ANAPC1: variants seen among roughly 807,000 people sequenced by gnomAD.
ANAPC1 encodes anaphase promoting complex subunit 1, also known as anaphase-promoting complex subunit 1.
In ANAPC1, 36 loss-of-function variants were observed where a neutral mutation model predicts 208.0. The observed-to-expected ratio is 0.17, with a 90% CI of 0.13 to 0.23. The LOEUF (loss-of-function observed/expected upper bound fraction) is 0.23. Among genes scored for constraint, ANAPC1 ranks in the 10% least tolerant of loss-of-function variants. The pLI, the probability that ANAPC1 is intolerant of heterozygous loss-of-function variation, is 1.00. For synonymous variants in ANAPC1, 378 were observed against 695.2 expected (o/e 0.54, Z 7.18); for missense variants, 942 against 2,011.6 (o/e 0.47, Z 10.17).
At chr2:111,836,428 C>A (rs950836085) in intron 18 of ANAPC1, among the ~76,000 whole-genome samples, 1 of 151,040 alleles carries the variant, frequency 6.6e-6, no homozygotes, top group Non-Finnish European at 1.5e-5. Flanking sequence ...ACTGCTTGAG[C>A]CCAGGAGTTT....
Position 111,864,402 on chromosome 2 carries a change from C to CA in ANAPC1, c.831+403dup, listed in dbSNP as rs557496899. ...TAAAACTATTCACAAGTGATTTTTC[C>CA]AAAAAAAAAAAAAAAAAGTGAGGGT... On this transcript the variant is annotated intron_variant, in intron 8 of 47. Transcript: ENST00000341068. Among the ~76,000 whole-genome samples the CA allele has an allele frequency of 2.0e-3, 138 of 67,360 alleles. 2 individuals are homozygous for CA. Among genetic ancestry groups the CA allele is most frequent in the Admixed American group, 3.3e-3 (14 of 4,208 alleles). 44.2% of individuals were successfully genotyped at this position (67,360 alleles called of 152,430 possible). A position where few individuals can be genotyped will look rare whatever the true frequency, so the allele number is the denominator to read the frequency against.
Position 111,782,335 on chromosome 2 carries a change from A to C in ANAPC1, c.5202+34T>G, listed in dbSNP as rs201137907. 5.6e-5 allele frequency: 90 copies of C among 1,612,824 alleles called. No individual in the cohort carries two copies. In the African/African-American group the frequency reaches 9.5e-4, roughly 17 times the overall value. On this transcript the variant is annotated intron_variant, in intron 43 of 47. Transcript: ENST00000341068. ...GCGAGGAAGCCGGCAATTTAGAATT[A>C]TTTCTTTCCGTTTTTACCAATCAAT...
At chr2:111,854,895 G>C (rs1308022724) in intron 13 of ANAPC1, among the ~76,000 whole-genome samples, 3 of 152,128 alleles carry the variant, frequency 2.0e-5, no homozygotes, top group Non-Finnish European at 2.9e-5. Flanking sequence ...CACTGAAATA[G>C]CACTTTTAAT....
At position 111,850,907 on chromosome 2, in the gene ANAPC1, C is replaced by T. The variant is rs1681357858; in HGVS notation, c.1519G>A (p.Gly507Arg). The change falls in exon 14 of 48, where the codon GGA (glycine) becomes AGA (arginine). Residue 507 changes from glycine (G) to arginine (R), a missense_variant. Coordinates refer to ENST00000341068, the MANE Select transcript of ANAPC1 (RefSeq NM_022662.4). ...LVLYTGVVRV[G>R]KVFIPGLPAP... The stretch of plus-strand genomic sequence containing the variant: ...GGCAGTCCAGGAATAAAAACCTTTC[C>T]CACCTTTAAGCAATAAAAACATGTG... 2 of 1,595,396 alleles carry T rather than the reference C, an allele frequency of 1.3e-6. No individual in the cohort carries two copies. Among genetic ancestry groups the T allele is most frequent in the African/African-American group, 1.4e-5 (1 of 73,748 alleles).
intron 21 of ANAPC1, among the ~76,000 whole-genome samples, chr2:111,826,725 A>G (rs549564470): frequency 1.3e-5 from 2 of 151,456 alleles, no homozygotes; most frequent in East Asian, 3.9e-4. Context: ...CAGTGGCACA[A>G]TCTCGGCTCA....
chr2:111,866,713 G>A (rs1342177401), intron 7 of ANAPC1, among the ~76,000 whole-genome samples: 1 of 138,618 alleles, frequency 7.2e-6, no homozygotes, highest in African/African-American at 2.8e-5. Flanking sequence ...AACAAAGCGA[G>A]ACTCCGTCTC....
rs9653413 is a variant in ANAPC1 at position 111,877,046 on chromosome 2, A to G, written c.375+1764T>C. Among the ~76,000 whole-genome samples the G allele has an allele frequency of 5.9e-3, 894 of 151,450 alleles. 12 individuals carry two copies. The highest frequency in any genetic ancestry group is 0.021 in the African/African-American group (860 of 41,332). On this transcript the variant is annotated intron_variant, in intron 3 of 47. Coordinates refer to ENST00000341068, the MANE Select transcript of ANAPC1 (RefSeq NM_022662.4). ...GTACATATGGGATTTTCGGAATGGG[A>G]ATGCTGACTGTTTAAAAATAAATTG... is the stretch of plus-strand genomic sequence containing the variant.
At chr2:111,823,368 C>T (rs1471124650) in intron 24 of ANAPC1, among the ~76,000 whole-genome samples, 2 of 151,976 alleles carry the variant, frequency 1.3e-5, no homozygotes, top group East Asian at 1.9e-4. Flanking sequence ...ACTGGTACAA[C>T]CACTTTGGAA....
chr2:111,771,321 T>C (rs1234497809), intron 47 of ANAPC1, among the ~76,000 whole-genome samples: 1 of 151,694 alleles, frequency 6.6e-6, no homozygotes, highest in Non-Finnish European at 1.5e-5. Flanking sequence ...CCCATGTATA[T>C]GAAGGCTAAA....
chr2:111,869,927 T>C (rs1276264456), intron 6 of ANAPC1, among the ~76,000 whole-genome samples: 1 of 152,224 alleles, frequency 6.6e-6, no homozygotes, highest in African/African-American at 2.4e-5. Context: ...AGCCTCTGCA[T>C]ACTCCTTGCT....
At chr2:111,828,316 C>T (rs901450326) in intron 21 of ANAPC1, among the ~76,000 whole-genome samples, 1 of 151,984 alleles carries the variant, frequency 6.6e-6, no homozygotes, top group African/African-American at 2.4e-5. Flanking sequence ...AAATTGGAAC[C>T]CTTCCTCTTG....
intron 21 of ANAPC1, among the ~76,000 whole-genome samples, chr2:111,830,026 C>T (rs1467678654): frequency 4.6e-5 from 7 of 152,092 alleles, no homozygotes. Flanking sequence ...GCTGAGATCA[C>T]TCCACTGCAC....
At chr2:111,859,261 T>C (rs1681919897) in intron 10 of ANAPC1, among the ~76,000 whole-genome samples, 1 of 152,114 alleles carries the variant, frequency 6.6e-6, no homozygotes, top group African/African-American at 2.4e-5. Flanking sequence ...GGTGGGCAGA[T>C]CACCTGAGGT....
chr2:111,871,645 A>C (rs1682751930), intron 6 of ANAPC1, among the ~76,000 whole-genome samples: 1 of 152,054 alleles, frequency 6.6e-6, no homozygotes, highest in Non-Finnish European at 1.5e-5. Context: ...CCAGTTACTC[A>C]GGAGGCTGAA....
At chr2:111,828,990 A>G (rs1175527965) in intron 21 of ANAPC1, among the ~76,000 whole-genome samples, 2 of 152,134 alleles carry the variant, frequency 1.3e-5, no homozygotes, top group Non-Finnish European at 1.5e-5. Flanking sequence ...CAAGGTGGGC[A>G]GATCACCTGA....
intron 16 of ANAPC1, among the ~76,000 whole-genome samples, chr2:111,846,435 GA>G (rs199918130): frequency 7.4e-6 from 1 of 135,190 alleles, no homozygotes; most frequent in African/African-American, 2.6e-5. Flanking sequence ...ATACATTACA[GA>G]AAAAAAAACA....
At chr2:111,831,639 A>G (rs1680137630) in intron 20 of ANAPC1, among the ~76,000 whole-genome samples, 2 of 151,816 alleles carry the variant, frequency 1.3e-5, no homozygotes, top group Non-Finnish European at 2.9e-5. Context: ...GGAGTTAAGG[A>G]CAGCCTGGCC....
rs200250141 is a variant in ANAPC1, at chr2:111,777,611, CT to C, written c.5386-555del. 5.0e-3 allele frequency among the ~76,000 whole-genome samples: 754 copies of C among 150,848 alleles called. 14 individuals are homozygous for C. In the East Asian group the frequency reaches 0.086, roughly 17 times the overall value. ...AATAACACAACTTGTTATTTGGCTG[CT>C]ATACAAAGAGGCACTGTGAGAAGCA... On this transcript the variant is annotated intron_variant, in intron 45 of 47. Transcript: ENST00000341068.
intron 14 of ANAPC1, among the ~76,000 whole-genome samples, chr2:111,848,331 G>A (rs1480151517): frequency 2.7e-5 from 4 of 150,306 alleles, no homozygotes; most frequent in African/African-American, 4.9e-5. Context: ...AGGGGCCAAC[G>A]TTCTTGGAGA....
Sources: allele counts gnomAD v4.1 joint callset (sites outside exome capture counted in the v4.1 genomes callset), GRCh38; gene constraint gnomAD v4.1.1; transcripts MANE v1.5; gene names NCBI Gene and HGNC (gene_info 2026-07-23, HGNC 2026-07-21).